The following NRG3 variants were observed in gnomAD, a reference collection of about 807,000 sequenced individuals.
NRG3 encodes neuregulin 3, also known as pro-neuregulin-3, membrane-bound isoform.
Under a neutral mutation model 66.9 loss-of-function variants are expected in NRG3, and 31 were observed. The ratio of observed to expected loss-of-function variants is 0.46; its 90% confidence interval spans 0.35 to 0.63. NRG3 has a LOEUF of 0.63. Ranked by LOEUF, NRG3 falls within the 20% of genes least tolerant of loss-of-function variation. The probability of loss-of-function intolerance (pLI) is 0.00; values close to 1 mark genes in which losing one functional copy is unlikely to be tolerated. For synonymous variants in NRG3, 393 were observed against 359.4 expected, an observed-to-expected ratio of 1.09 and a Z score of -1.06; for missense variants, 910 against 878.9, an observed-to-expected ratio of 1.04 and a Z score of -0.45.
intron 3 of NRG3, among the ~76,000 whole-genome samples, chr10:82,747,148 A>C (rs113904881): frequency 2.6e-5 from 4 of 152,198 alleles, no homozygotes; most frequent in African/African-American, 9.6e-5. Context: ...TGTAACTTCT[A>C]CTTCCCACTC....
intron 1 of NRG3, among the ~76,000 whole-genome samples, chr10:82,153,284 T>G (rs1489188472): frequency 2.6e-5 from 4 of 152,130 alleles, no homozygotes; most frequent in Admixed American, 2.0e-4. Flanking sequence ...ATTCTACATG[T>G]AAGTGAAATC....
At chr10:82,904,609 T>C (rs1175584789) in intron 4 of NRG3, among the ~76,000 whole-genome samples, 3 of 152,138 alleles carry the variant, frequency 2.0e-5, no homozygotes, top group Non-Finnish European at 4.4e-5. Flanking sequence ...AACTATGGTT[T>C]GTGAGATTTG....
chr10:82,528,235 G>T (rs1260572051), intron 2 of NRG3, among the ~76,000 whole-genome samples: 1 of 152,156 alleles, frequency 6.6e-6, no homozygotes, highest in Non-Finnish European at 1.5e-5. Flanking sequence ...AGCTTGGTAA[G>T]AGAGGACATG....
chr10:82,425,202 A>G (rs1163751104), intron 2 of NRG3, among the ~76,000 whole-genome samples: 1 of 152,098 alleles, frequency 6.6e-6, no homozygotes, highest in Non-Finnish European at 1.5e-5. Context: ...TACAGTAGGG[A>G]TCACATTGAA....
At chr10:82,469,149 A>G (rs530834506) in intron 2 of NRG3, among the ~76,000 whole-genome samples, 18 of 152,222 alleles carry the variant, frequency 1.2e-4, no homozygotes, top group Non-Finnish European at 2.2e-4. Flanking sequence ...CTTTTCGAAA[A>G]TGGTTCTTAA....
intron 2 of NRG3, among the ~76,000 whole-genome samples, chr10:82,407,813 A>G (rs908566388): frequency 5.3e-5 from 8 of 151,986 alleles, no homozygotes; most frequent in Admixed American, 1.3e-4. Flanking sequence ...GCTCATGCCT[A>G]TAATCCCAGC....
intron 1 of NRG3, among the ~76,000 whole-genome samples, chr10:82,244,037 T>A (rs953176318): frequency 2.0e-5 from 3 of 152,190 alleles, no homozygotes; most frequent in African/African-American, 4.8e-5. Context: ...AAAAAGAAGG[T>A]GTGCAGACAG....
chr10:82,927,231 C>T lies in NRG3; in HGVS notation c.1055-24238C>T, dbSNP rs532485159. On this transcript the variant is annotated intron_variant, in intron 4 of 8. Transcript: ENST00000372141. ...TAGCCTGACAGTCTCTTTATTTACC[C>T]AGCACAATAAAGGAACTAACATTAT... 2.0e-5 allele frequency among the ~76,000 whole-genome samples: 3 copies of T among 152,198 alleles called. No individual in the cohort carries two copies. The South Asian group carries it at 6.2e-4, about 32-fold the overall frequency.
intron 2 of NRG3, among the ~76,000 whole-genome samples, chr10:82,400,348 A>G (rs1017032574): frequency 9.9e-5 from 15 of 152,134 alleles, no homozygotes; most frequent in Admixed American, 2.0e-4. Context: ...AGGTGAGAAT[A>G]TGAATGGTTC....
At chr10:82,201,069 C>A (rs1285011870) in intron 1 of NRG3, among the ~76,000 whole-genome samples, 1 of 151,754 alleles carries the variant, frequency 6.6e-6, no homozygotes, top group Non-Finnish European at 1.5e-5. Flanking sequence ...TGGTGACAGG[C>A]GCCTGTTCTT....
intron 1 of NRG3, among the ~76,000 whole-genome samples, chr10:81,926,040 G>A (rs535319156): frequency 2.0e-5 from 3 of 152,224 alleles, no homozygotes; most frequent in Non-Finnish European, 4.4e-5. Context: ...ATTGGGATGC[G>A]AATGTAATTT....
chr10:81,886,167 A>G (rs1221765533), intron 1 of NRG3, among the ~76,000 whole-genome samples: 1 of 152,112 alleles, frequency 6.6e-6, no homozygotes, highest in Admixed American at 6.6e-5. Context: ...CAGAACTTAA[A>G]TAAAATTAAA....
intron 1 of NRG3, among the ~76,000 whole-genome samples, chr10:81,907,042 T>C (rs1844662229): frequency 6.6e-6 from 1 of 152,174 alleles, no homozygotes; most frequent in African/African-American, 2.4e-5. Context: ...GTCAGTCCTT[T>C]GTTAAATTTG....
intron 1 of NRG3, among the ~76,000 whole-genome samples, chr10:82,264,221 GT>G (rs1017213223): frequency 3.3e-5 from 5 of 152,176 alleles, no homozygotes; most frequent in Non-Finnish European, 7.3e-5. Flanking sequence ...AAGTAAAGAG[GT>G]TTAATGGACT....
chr10:81,984,191 C>T (rs1451197347), intron 1 of NRG3, among the ~76,000 whole-genome samples: 2 of 152,084 alleles, frequency 1.3e-5, no homozygotes, highest in African/African-American at 4.8e-5. Context: ...CTTCTGACCT[C>T]CAGAATTGCA....
chr10:81,880,545 A>G (rs116550794), intron 1 of NRG3, among the ~76,000 whole-genome samples: 2,546 of 152,300 alleles, frequency 0.017, 40 homozygotes, highest in African/African-American at 0.041. Context: ...GAGGAATACC[A>G]TCTCTCCTCT....
intron 3 of NRG3, among the ~76,000 whole-genome samples, chr10:82,784,857 A>G (rs1458395857): frequency 6.6e-6 from 1 of 152,130 alleles, no homozygotes; most frequent in African/African-American, 2.4e-5. Flanking sequence ...ATTACTGGGT[A>G]TATACCCAAA....
chr10:81,978,819 A>ACATTG lies in NRG3; in HGVS notation c.823+102657_823+102661dup, dbSNP rs547230931. Among the ~76,000 whole-genome samples the ACATTG allele has an allele frequency of 3.5e-4, 53 of 152,144 alleles. No individual in the cohort carries two copies. In the East Asian group the frequency reaches 8.9e-3, roughly 26 times the overall value. Reference sequence around the variant, plus strand: ...GATCCTCTTGCCTCAGTCTCCAAAAACATTGGGATTATAGGTATGAGCCAC... The same window carrying ACATTG: ...GATCCTCTTGCCTCAGTCTCCAAAAACATTGCATTGGGATTATAGGTATGAGCCAC... On this transcript the variant is annotated intron_variant, in intron 1 of 8. Transcript: ENST00000372141.
intron 2 of NRG3, among the ~76,000 whole-genome samples, chr10:82,690,218 A>C (rs1415145475): frequency 1.3e-5 from 2 of 152,138 alleles, no homozygotes; most frequent in African/African-American, 4.8e-5. Context: ...GAAGAATCTC[A>C]TATAGAGAGA....
Sources: gnomAD v4.1 joint callset for allele counts (sites outside exome capture counted in the v4.1 genomes callset) on GRCh38, gnomAD v4.1.1 for gene constraint, MANE v1.5 for transcripts, NCBI Gene and HGNC (gene_info 2026-07-23, HGNC 2026-07-21) for gene names.